Variants in ATP10B observed in about 807,000 individuals in gnomAD.
The protein encoded by ATP10B is phospholipid-transporting ATPase VB.
ATP10B carries 122 observed loss-of-function variants against 141.2 expected under a neutral mutation model. The ratio of observed to expected loss-of-function variants is 0.86; its 90% CI spans 0.75 to 1.00. The LOEUF is 1.00. ATP10B is among the 50% of genes least tolerant of loss of function. The probability of loss-of-function intolerance (pLI) is 0.00; values close to 1 mark genes in which losing one functional copy is unlikely to be tolerated. For missense variants in ATP10B, 1,876 were observed against 1,825.3 expected, an observed-to-expected ratio of 1.03 and a Z score of -0.51; for synonymous variants, 685 against 692.0, an observed-to-expected ratio of 0.99 and a Z score of 0.16.
intron 2 of ATP10B, among the ~76,000 whole-genome samples, chr5:160,745,138 A>G (rs1283591329): frequency 6.6e-6 from 1 of 152,230 alleles, no homozygotes; most frequent in Non-Finnish European, 1.5e-5. Flanking sequence ...TGCTGCTATT[A>G]TTACCATTGT....
At position 160,565,472 on chromosome 5, in the gene ATP10B, T is replaced by G; in HGVS notation, c.4367A>C (p.Gln1456Pro). 6.2e-7 allele frequency: 1 copy of G among 1,614,096 alleles called. No homozygotes were observed. Among genetic ancestry groups the G allele is most frequent in the Non-Finnish European group, 8.5e-7 (1 of 1,179,954 alleles). ...CSKRSSHRRS[Q>P]SSLTI Reference sequence around the variant, plus strand: ...AGCTCCTCATATGGTCAGTGAACTCTGGGATCGGCGATGGCTGCTCCTCTT... The same window carrying G: ...AGCTCCTCATATGGTCAGTGAACTCGGGGATCGGCGATGGCTGCTCCTCTT... The change falls in exon 26 of 26, where the codon CAG (glutamine) becomes CCG (proline). Residue 1456 changes from glutamine (Q) to proline (P), a missense_variant. Transcript: ENST00000327245.
chr5:160,760,441 C>T (rs1768948642), intron 2 of ATP10B, among the ~76,000 whole-genome samples: 1 of 152,196 alleles, frequency 6.6e-6, no homozygotes, highest in Admixed American at 6.5e-5. Context: ...GGGATTTCTG[C>T]TTTCTAAACC....
chr5:160,803,073 C>G (rs542263299), intron 1 of ATP10B, among the ~76,000 whole-genome samples: 27 of 152,312 alleles, frequency 1.8e-4, no homozygotes, highest in African/African-American at 6.5e-4. Flanking sequence ...TGCTCCTGTT[C>G]AAAAGGCTTC....
At chr5:160,719,750 T>G (rs1311567184) in intron 2 of ATP10B, among the ~76,000 whole-genome samples, 1 of 152,212 alleles carries the variant, frequency 6.6e-6, no homozygotes, top group Admixed American at 6.5e-5. Context: ...CAGGTGCTGT[T>G]GAGTAGATTA....
chr5:160,666,760 C>G (rs1279419807), intron 7 of ATP10B, among the ~76,000 whole-genome samples: 1 of 152,164 alleles, frequency 6.6e-6, no homozygotes, highest in Non-Finnish European at 1.5e-5. Flanking sequence ...AAGATGTCTC[C>G]CTCCAGGGAG....
intron 2 of ATP10B, among the ~76,000 whole-genome samples, chr5:160,763,424 C>A (rs1769185189): frequency 6.6e-6 from 1 of 152,044 alleles, no homozygotes; most frequent in Non-Finnish European, 1.5e-5. Flanking sequence ...CAAAACTATA[C>A]AAATACATGG....
At chr5:160,820,250 A>C (rs1773998080) in intron 1 of ATP10B, among the ~76,000 whole-genome samples, 1 of 152,070 alleles carries the variant, frequency 6.6e-6, no homozygotes, top group Admixed American at 6.6e-5. Flanking sequence ...AAGAGCAACT[A>C]TATATCAATA....
At chr5:160,906,276 A>G in the ATP10B span, among the ~76,000 whole-genome samples, 1 of 152,054 alleles carries the variant, frequency 6.6e-6, no homozygotes, top group Non-Finnish European at 1.5e-5. Context: ...ACATTTCACT[A>G]TAGCGGGAGC....
chr5:160,880,082 TATC>T, the ATP10B span, among the ~76,000 whole-genome samples: 1 of 150,126 alleles, frequency 6.7e-6, no homozygotes, highest in African/African-American at 2.4e-5. Context: ...ACATAGAATA[TATC>T]ATCTATGTGA....
intron 1 of ATP10B, among the ~76,000 whole-genome samples, chr5:160,846,645 C>T (rs897890511): frequency 6.6e-6 from 1 of 152,008 alleles, no homozygotes; most frequent in African/African-American, 2.4e-5. Context: ...ACATATCCAG[C>T]GCTTAGTAGG....
intron 2 of ATP10B, among the ~76,000 whole-genome samples, chr5:160,756,794 C>G (rs1357808987): frequency 6.6e-6 from 1 of 151,802 alleles, no homozygotes; most frequent in Non-Finnish European, 1.5e-5. Flanking sequence ...CATCATTCTT[C>G]CCTATTTTTT....
intron 7 of ATP10B, among the ~76,000 whole-genome samples, chr5:160,665,366 G>T (rs1438044442): frequency 6.6e-6 from 1 of 152,214 alleles, no homozygotes; most frequent in Non-Finnish European, 1.5e-5. Flanking sequence ...CCCTTCACCT[G>T]TTGTGACCAT....
At chr5:160,832,855 G>C (rs1775184213) in intron 1 of ATP10B, among the ~76,000 whole-genome samples, 1 of 152,110 alleles carries the variant, frequency 6.6e-6, no homozygotes, top group South Asian at 2.1e-4. Context: ...GGAGAAACAA[G>C]CCCAATTTTT....
Position 160,828,649 on chromosome 5 carries a change from C to G in ATP10B, c.-576+23292G>C, listed in dbSNP as rs573751262. Among the ~76,000 whole-genome samples, 83 of 151,572 alleles carry G rather than the reference C, an allele frequency of 5.5e-4. 1 individual carries two copies. Among genetic ancestry groups the G allele is most frequent in the Middle Eastern group, 6.8e-3 (2 of 294 alleles). On this transcript the variant is annotated intron_variant, in intron 1 of 25. Coordinates refer to ENST00000327245, the MANE Select transcript of ATP10B (RefSeq NM_025153.3). ...TCAACCATTGTGGAAGTCAGTGTGG[C>G]GATTCCTCAGGGATCTAGAACTAGA...
At chr5:160,692,990 C>G (rs1323551744) in intron 3 of ATP10B, 1 of 152,044 alleles carries the variant, frequency 6.6e-6, no homozygotes, top group Non-Finnish European at 1.5e-5. Context: ...TCTTTTGCCT[C>G]CTGATATGAT....
Position 160,565,871 on chromosome 5 carries a change from C to T in ATP10B, c.3968G>A (p.Cys1323Tyr). The T allele has an allele frequency of 6.2e-7, 1 of 1,613,068 alleles. No homozygotes were observed. The highest frequency in any genetic ancestry group is 1.3e-5 in the African/African-American group (1 of 74,848). ...AGCTTTTGAGATTAGAGACTTCCCA[C>T]AAGTTCCTTGCAGAGACAGGAAAAA... is the stretch of plus-strand genomic sequence containing the variant. ...RYFFLSLQGT[C>Y]GKSLISKAQK... The change falls in exon 26 of 26, where the codon TGT becomes TAT. Residue 1323 changes from cysteine to tyrosine, a missense_variant. Physicochemically the swap from Cys to Tyr is radical, Grantham distance 194 (BLOSUM62 -2). Transcript: ENST00000327245.
chr5:160,640,340 G>T, intron 10 of ATP10B, 121 bp downstream of exon 10: 1 of 1,120,562 alleles, frequency 8.9e-7, no homozygotes, highest in Non-Finnish European at 1.3e-6. Context: ...TTGGCATCCC[G>T]TTAAAGTGGG....
chr5:160,709,343 C>G lies in ATP10B; in HGVS notation c.-205+7566G>C, dbSNP rs147824151. Among the ~76,000 whole-genome samples, 58 of 152,094 alleles carry G rather than the reference C, an allele frequency of 3.8e-4. 1 individual carries two copies. The highest frequency in any genetic ancestry group is 1.3e-3 in the African/African-American group (55 of 41,466). On this transcript the variant is annotated intron_variant, in intron 3 of 25. Transcript: ENST00000327245. Reference sequence around the variant, plus strand: ...GATGTTTGTAACATTATTAGATACACAAATTTGAAAAGGAAAAGATAACTC... The same window carrying G: ...GATGTTTGTAACATTATTAGATACAGAAATTTGAAAAGGAAAAGATAACTC...
chr5:160,591,204 C>A, intron 22 of ATP10B, 65 bp from the exon 23 acceptor site: 1 of 1,394,540 alleles, frequency 7.2e-7, no homozygotes, highest in Non-Finnish European at 1.0e-6. Context: ...TTGCAAGCAA[C>A]TTTCTTGCAT....
Sources: allele counts gnomAD v4.1 joint callset (sites outside exome capture counted in the v4.1 genomes callset), GRCh38; gene constraint gnomAD v4.1.1; transcripts MANE v1.5; gene names NCBI Gene and HGNC (gene_info 2026-07-23, HGNC 2026-07-21).